Variants in GABPB1 observed in about 807,000 individuals in gnomAD.
GABPB1 encodes GA-binding protein subunit beta-1.
Under a neutral mutation model 45.9 loss-of-function variants are expected in GABPB1, and 15 were observed. The ratio of observed to expected loss-of-function variants is 0.33; its 90% CI spans 0.22 to 0.50. The LOEUF (loss-of-function observed/expected upper bound fraction) is 0.50. Among genes scored for constraint, GABPB1 ranks in the 20% least tolerant of loss-of-function variants. GABPB1 has a pLI of 0.98. For missense variants in GABPB1, 252 were observed against 457.5 expected (o/e 0.55, Z 4.10); for synonymous variants, 143 against 154.4 (o/e 0.93, Z 0.55).
At chr15:50,279,590 T>C (rs980347452) in intron 8 of GABPB1, among the ~76,000 whole-genome samples, 1 of 152,218 alleles carries the variant, frequency 6.6e-6, no homozygotes, top group Admixed American at 6.5e-5. Context: ...CTCCTCACTC[T>C]GCCCCATTCA....
At chr15:50,279,466 A>C (rs1428519808) in intron 8 of GABPB1, among the ~76,000 whole-genome samples, 1 of 113,068 alleles carries the variant, frequency 8.8e-6, no homozygotes, top group Non-Finnish European at 2.2e-5. Context: ...ATAAAATACT[A>C]AATTATCAAT....
At chr15:50,345,041 A>G (rs1194155327) in intron 1 of GABPB1, among the ~76,000 whole-genome samples, 1 of 152,172 alleles carries the variant, frequency 6.6e-6, no homozygotes, top group East Asian at 1.9e-4. Flanking sequence ...GATGGGACAC[A>G]CATTTGGGAG....
chr15:50,317,904 G>A (rs1237035588), intron 1 of GABPB1, among the ~76,000 whole-genome samples: 1 of 105,036 alleles, frequency 9.5e-6, no homozygotes, highest in Non-Finnish European at 2.1e-5. Context: ...GCAAGACTCC[G>A]TATCAAAAAA....
chr15:50,347,543 AT>A (rs2048639741), intron 1 of GABPB1: 1 of 152,084 alleles, frequency 6.6e-6, no homozygotes, highest in Admixed American at 6.6e-5. Context: ...ACTACTAATT[AT>A]TTTTTCCTCT....
chr15:50,334,044 A>AG (rs398043279), intron 1 of GABPB1, among the ~76,000 whole-genome samples: 1 of 151,266 alleles, frequency 6.6e-6, no homozygotes, highest in African/African-American at 2.4e-5. Context: ...AAAAAAAAAA[A>AG]GAAAAAGAAA....
intron 1 of GABPB1, among the ~76,000 whole-genome samples, chr15:50,347,116 C>G (rs1327973846): frequency 1.3e-5 from 2 of 151,918 alleles, no homozygotes; most frequent in Admixed American, 6.5e-5. Flanking sequence ...AGCACTAATC[C>G]CACTCCTGAG....
rs72738931 is a variant in GABPB1, at chr15:50,340,446, A to G, written c.-1+14539T>C. Among the ~76,000 whole-genome samples the G allele has an allele frequency of 4.2e-4, 64 of 150,710 alleles. No homozygotes were observed. In the Middle Eastern group the frequency reaches 0.018, roughly 41 times the overall value. ...GAAAATCCTCAATGGAAGTATTTAC[A>G]CTGCTCACTGCTCCTCCTTGGCCCA... On this transcript the variant is annotated intron_variant, in intron 1 of 8. Coordinates refer to ENST00000380877, the MANE Select transcript of GABPB1 (RefSeq NM_016654.5).
chr15:50,299,366 T>C (rs758562993), intron 6 of GABPB1, among the ~76,000 whole-genome samples: 1 of 152,248 alleles, frequency 6.6e-6, no homozygotes, highest in African/African-American at 2.4e-5. Flanking sequence ...CAAATGTTCA[T>C]GAATACTGTT....
At chr15:50,284,034 T>C (rs1387526646) in intron 8 of GABPB1, among the ~76,000 whole-genome samples, 1 of 152,172 alleles carries the variant, frequency 6.6e-6, no homozygotes, top group Non-Finnish European at 1.5e-5. Context: ...TACATGTCAG[T>C]GGAATGCCAC....
At chr15:50,325,304 CAA>C (rs35524259) in intron 1 of GABPB1, among the ~76,000 whole-genome samples, 65,725 of 120,640 alleles carry the variant, frequency 0.54, 16,231 homozygotes, top group Middle Eastern at 0.69. Context: ...GATGTTATGC[CAA>C]AAAAAAAAAA....
chr15:50,302,052 C>T (rs2046769760), intron 4 of GABPB1, among the ~76,000 whole-genome samples: 1 of 152,166 alleles, frequency 6.6e-6, no homozygotes, highest in African/African-American at 2.4e-5. Flanking sequence ...AGTTCTACTG[C>T]TGGGATTGGG....
At chr15:50,312,753 C>G (rs1248881348) in intron 1 of GABPB1, among the ~76,000 whole-genome samples, 1 of 152,146 alleles carries the variant, frequency 6.6e-6, no homozygotes, top group Non-Finnish European at 1.5e-5. Flanking sequence ...AATATAAAAT[C>G]AGTTTGCATT....
Position 50,282,560 on chromosome 15 carries a change from G to GAAAAAAAAAAAAAAAAAAAAAAAAAAAAA in GABPB1, c.999+3507_999+3508insTTTTTTTTTTTTTTTTTTTTTTTTTTTTT, listed in dbSNP as rs552203074. On this transcript the variant is annotated intron_variant, in intron 8 of 8. Coordinates refer to ENST00000380877, the MANE Select transcript of GABPB1 (RefSeq NM_016654.5). The stretch of plus-strand genomic sequence containing the variant: ...CAAAGTGAGACCCTGCCTTAAAAAA[G>GAAAAAAAAAAAAAAAAAAAAAAAAAAAAA]AAAAAAAAAAAAAAACAGAGACGGA... 1.2e-4 allele frequency among the ~76,000 whole-genome samples: 11 copies of GAAAAAAAAAAAAAAAAAAAAAAAAAAAAA among 89,006 alleles called. 1 individual carries two copies. Among genetic ancestry groups the GAAAAAAAAAAAAAAAAAAAAAAAAAAAAA allele is most frequent in the Admixed American group, 1.4e-4 (1 of 7,024 alleles). The allele number at this position is 89,006 out of a possible 152,430, so 58.4% of individuals were successfully genotyped here.
chr15:50,300,085 G>A (rs2046673539), intron 6 of GABPB1, among the ~76,000 whole-genome samples: 1 of 152,160 alleles, frequency 6.6e-6, no homozygotes, highest in South Asian at 2.1e-4. Context: ...AGGATTACAG[G>A]TGTGAGCTAC....
At chr15:50,327,121 A>G (rs2141114762) in intron 1 of GABPB1, 1 of 152,304 alleles carries the variant, frequency 6.6e-6, no homozygotes, top group Non-Finnish European at 1.5e-5. Context: ...GAAGATAAAG[A>G]AAAGGCTTTT....
chr15:50,280,452 T>C (rs567608532), intron 8 of GABPB1, among the ~76,000 whole-genome samples: 2 of 152,252 alleles, frequency 1.3e-5, no homozygotes, highest in East Asian at 3.9e-4. Context: ...CATGCACGTG[T>C]TTTAAAATTT....
chr15:50,289,449 A>T (rs79088883), intron 7 of GABPB1, 34 bp downstream of exon 7: 3 of 1,403,408 alleles, frequency 2.1e-6, no homozygotes, highest in Non-Finnish European at 2.9e-6. Context: ...AAAAAAAAAA[A>T]CATACAAACT....
intron 2 of GABPB1, among the ~76,000 whole-genome samples, chr15:50,304,606 G>C (rs1224372704): frequency 1.3e-5 from 2 of 151,876 alleles, no homozygotes; most frequent in Non-Finnish European, 2.9e-5. Context: ...AGCTACTCAG[G>C]AGGCTAAGGC....
intron 6 of GABPB1, among the ~76,000 whole-genome samples, chr15:50,291,484 A>AT (rs537438110): frequency 0.018 from 2,530 of 140,042 alleles, 44 homozygotes; most frequent in African/African-American, 0.047. Context: ...ACGCCTGGTA[A>AT]TTTTTTTTTT....
Sources: allele counts gnomAD v4.1 joint callset (sites outside exome capture counted in the v4.1 genomes callset), GRCh38; gene constraint gnomAD v4.1.1; transcripts MANE v1.5; gene names NCBI Gene and HGNC (gene_info 2026-07-23, HGNC 2026-07-21).